Variants in NBAS observed in about 807,000 individuals in gnomAD.
The protein encoded by NBAS is NAG/BC035112 fusion.
A neutral mutation model predicts 302.5 loss-of-function variants in NBAS; 219 were observed. That is an observed-to-expected ratio of 0.72 (90% CI 0.65 to 0.81). The LOEUF (loss-of-function observed/expected upper bound fraction) is 0.81, where lower values mean the gene tolerates loss of function less well. NBAS is among the 30% of genes least tolerant of loss of function. The probability of loss-of-function intolerance (pLI) is 0.00; values close to 1 mark genes in which losing one functional copy is unlikely to be tolerated. For synonymous variants in NBAS, 1,118 were observed against 1,021.6 expected (o/e 1.09, Z -1.80); for missense variants, 2,932 against 2,841.6 (o/e 1.03, Z -0.72).
chr2:15,484,213 T>C (rs1281326007), intron 12 of NBAS, among the ~76,000 whole-genome samples: 1 of 152,186 alleles, frequency 6.6e-6, no homozygotes, highest in East Asian at 1.9e-4. Flanking sequence ...ATGTTATTCA[T>C]ATAAACTTCA....
chr2:14,804,754 G>C, the NBAS span, among the ~76,000 whole-genome samples: 1 of 152,056 alleles, frequency 6.6e-6, no homozygotes, highest in African/African-American at 2.4e-5. Context: ...CTGGTGAAGG[G>C]AAAAAATAAT....
chr2:15,317,496 A>T (rs1171565699), intron 38 of NBAS, among the ~76,000 whole-genome samples: 1 of 152,192 alleles, frequency 6.6e-6, no homozygotes, highest in Non-Finnish European at 1.5e-5. Context: ...GAAGCTAAAA[A>T]TCTTGAAAAA....
chr2:15,496,097 T>TACACACAC lies in NBAS; in HGVS notation c.955-7083_955-7076dup, dbSNP rs61047968. Among the ~76,000 whole-genome samples, 114 of 144,052 alleles carry TACACACAC rather than the reference T, an allele frequency of 7.9e-4. 1 individual carries two copies. Among genetic ancestry groups the TACACACAC allele is most frequent in the Middle Eastern group, 3.6e-3 (1 of 280 alleles). 94.5% of individuals were successfully genotyped at this position (144,052 alleles called of 152,430 possible). ...ATACACACACACATACATATACAGATACACACACACACACACACACACACA... is the reference window on the plus strand; with the variant it reads ...ATACACACACACATACATATACAGATACACACACACACACACACACACACACACACACA... On this transcript the variant is annotated intron_variant, in intron 11 of 51. Transcript: ENST00000281513.
the NBAS span, among the ~76,000 whole-genome samples, chr2:14,859,869 T>C: frequency 6.6e-6 from 1 of 151,618 alleles, no homozygotes; most frequent in Non-Finnish European, 1.5e-5. Flanking sequence ...CACAGCAAAA[T>C]AAACAATCAA....
At chr2:15,098,271 C>T in the NBAS span, among the ~76,000 whole-genome samples, 3 of 11,066 alleles carry the variant, frequency 2.7e-4, no homozygotes, top group Non-Finnish European at 4.4e-4. Context: ...ATAGTGTATA[C>T]TATATTATAT....
chr2:15,365,475 G>C (rs1298659322), intron 32 of NBAS, among the ~76,000 whole-genome samples: 1 of 152,132 alleles, frequency 6.6e-6, no homozygotes, highest in Admixed American at 6.6e-5. Context: ...CTATTTTCCA[G>C]ATGCAGAAAA....
intron 6 of NBAS, among the ~76,000 whole-genome samples, chr2:15,550,939 CATCT>C (rs1664353300): frequency 6.6e-6 from 1 of 152,136 alleles, no homozygotes; most frequent in East Asian, 1.9e-4. Context: ...TCAGCCATCT[CATCT>C]GACACCCCCG....
chr2:14,799,627 A>G, the NBAS span, among the ~76,000 whole-genome samples: 11 of 152,264 alleles, frequency 7.2e-5, no homozygotes, highest in East Asian at 1.9e-4. Context: ...CCAAGCTTCT[A>G]TCTACTGGTT....
chr2:15,103,720 G>A, the NBAS span, among the ~76,000 whole-genome samples: 1 of 152,162 alleles, frequency 6.6e-6, no homozygotes, highest in Non-Finnish European at 1.5e-5. Flanking sequence ...TTTCTTTCAA[G>A]AGTTTAATAC....
At chr2:15,432,699 C>T (rs533069820) in intron 21 of NBAS, among the ~76,000 whole-genome samples, 13 of 152,108 alleles carry the variant, frequency 8.5e-5, no homozygotes, top group Middle Eastern at 3.4e-3. Flanking sequence ...GAGAATAAAA[C>T]GTTCTGGCAA....
chr2:14,992,971 A>G, the NBAS span, among the ~76,000 whole-genome samples: 1 of 152,174 alleles, frequency 6.6e-6, no homozygotes, highest in African/African-American at 2.4e-5. Flanking sequence ...CACCCAGTAC[A>G]TTACTGGCTC....
chr2:14,780,685 A>T, the NBAS span, among the ~76,000 whole-genome samples: 1 of 152,210 alleles, frequency 6.6e-6, no homozygotes, highest in Non-Finnish European at 1.5e-5. Flanking sequence ...GAGATCTTCG[A>T]AGGACAAGTT....
At chr2:14,973,338 T>C in the NBAS span, among the ~76,000 whole-genome samples, 2 of 152,242 alleles carry the variant, frequency 1.3e-5, no homozygotes, top group Admixed American at 6.5e-5. Context: ...TTTTGAATTA[T>C]GGTTTATAAA....
chr2:15,076,710 G>C, the NBAS span, among the ~76,000 whole-genome samples: 91 of 152,290 alleles, frequency 6.0e-4, no homozygotes, highest in African/African-American at 2.1e-3. Context: ...AAAGTGGGCT[G>C]GCAGAATATC....
chr2:15,041,730 C>T, the NBAS span, among the ~76,000 whole-genome samples: 2 of 152,206 alleles, frequency 1.3e-5, no homozygotes, highest in Non-Finnish European at 2.9e-5. Context: ...CCACTCTACC[C>T]GGCAGCTGTC....
rs1227286849 is a variant in NBAS, at chr2:15,461,255, T to G, written c.2285A>C (p.Asn762Thr). The change falls in exon 21 of 52, where the codon AAC becomes ACC. Residue 762 changes from asparagine (N) to threonine (T), a missense_variant. By Grantham distance (65) the Asn-to-Thr change is moderately conservative. Transcript: ENST00000281513. Reference protein sequence around the residue: ...LLPHRLAILSNFPETTSPHEY... With the variant: ...LLPHRLAILSTFPETTSPHEY... ...ATGTGGAGAAGTGGTCTCTGGAAAG[T>G]TGGACAGAATTGCAAGGCGATGAGG... The G allele has an allele frequency of 6.2e-6, 10 of 1,613,622 alleles. No individual in the cohort carries two copies. Among genetic ancestry groups the G allele is most frequent in the Non-Finnish European group, 8.5e-6 (10 of 1,179,752 alleles).
chr2:15,012,351 T>C, the NBAS span, among the ~76,000 whole-genome samples: 2 of 150,990 alleles, frequency 1.3e-5, no homozygotes, highest in South Asian at 2.1e-4. Context: ...AGGTAGAAAA[T>C]AATAACAACA....
chr2:15,010,130 G>T, the NBAS span, among the ~76,000 whole-genome samples: 1 of 152,094 alleles, frequency 6.6e-6, no homozygotes, highest in South Asian at 2.1e-4. Context: ...TCTTTTTATA[G>T]TGAGTCCATG....
At chr2:14,802,698 A>G in the NBAS span, among the ~76,000 whole-genome samples, 2 of 149,672 alleles carry the variant, frequency 1.3e-5, no homozygotes, top group African/African-American at 5.0e-5. Flanking sequence ...ACCATGGAAT[A>G]CTATGCAGCC....
Sources: allele counts gnomAD v4.1 joint callset (sites outside exome capture counted in the v4.1 genomes callset), GRCh38; gene constraint gnomAD v4.1.1; transcripts MANE v1.5; gene names NCBI Gene and HGNC (gene_info 2026-07-23, HGNC 2026-07-21).